AMPD1: variants seen among roughly 807,000 people sequenced by gnomAD.
AMPD1 encodes adenosine monophosphate deaminase 1.
AMPD1 carries 74 observed loss-of-function variants against 82.9 expected under a neutral mutation model. That is an observed-to-expected ratio of 0.89 (90% CI 0.74 to 1.08). The LOEUF is 1.08. AMPD1 is among the 50% of genes least tolerant of loss of function. The pLI is 0.00. For synonymous variants in AMPD1, 333 were observed against 320.5 expected (o/e 1.04, Z -0.42); for missense variants, 881 against 924.5 (o/e 0.95, Z 0.61).
At position 114,680,241 on chromosome 1, in the gene AMPD1, G is replaced by A; in HGVS notation, c.767+18C>T. 6.3e-7 allele frequency: 1 copy of A among 1,592,836 alleles called. No individual in the cohort carries two copies. Among genetic ancestry groups the A allele is most frequent in the East Asian group, 2.2e-5 (1 of 44,778 alleles). ...TGTAGTACTAGTTGTTGTTGTTTAG[G>A]TCTCACTAAACACTTACACAGGTCC... is the stretch of plus-strand genomic sequence containing the variant. On this transcript the variant is annotated intron_variant, in intron 6 of 15. Coordinates refer to ENST00000520113, the MANE Select transcript of AMPD1 (RefSeq NM_000036.3).
intron 15 of AMPD1, 110 bp downstream of exon 15, chr1:114,673,529 G>T: frequency 1.0e-6 from 1 of 964,764 alleles, no homozygotes; most frequent in Non-Finnish European, 1.6e-6. Context: ...CATAGTAACT[G>T]CATATGATTC....
At position 114,673,675 on chromosome 1, in the gene AMPD1, T is replaced by G; in HGVS notation, c.2049A>C (p.Ala683=). Reference sequence around the variant, plus strand: ...TTCCACACTGCAAGACACTGTTCCTTGCCACTTCGCACATATCACAGGTGC... The same window carrying G: ...TTCCACACTGCAAGACACTGTTCCTGGCCACTTCGCACATATCACAGGTGC... ...KLSTCDMCEV[A]RNSVLQCGIS... The change falls in exon 15 of 16, where the codon GCA becomes GCC. Residue 683 remains alanine (A), a synonymous_variant. Coordinates refer to ENST00000520113, the MANE Select transcript of AMPD1 (RefSeq NM_000036.3). 1.2e-6 allele frequency: 2 copies of G among 1,614,096 alleles called. No homozygotes were observed. Among genetic ancestry groups the G allele is most frequent in the African/African-American group, 1.3e-5 (1 of 75,038 alleles).
At chr1:114,676,146 C>A (rs1657975745) in intron 10 of AMPD1, 143 bp from the exon 11 acceptor site, 1 of 1,044,262 alleles carries the variant, frequency 9.6e-7, no homozygotes, top group African/African-American at 1.6e-5. Context: ...CTCATACATT[C>A]TTTTTGGTCC....
chr1:114,678,515 T>C lies in AMPD1; in HGVS notation c.910A>G (p.Ile304Val), dbSNP rs373484604. 55 of 1,613,736 alleles carry C rather than the reference T, an allele frequency of 3.4e-5. No individual in the cohort carries two copies. The South Asian group carries it at 5.8e-4, about 17-fold the overall frequency. The change falls in exon 8 of 16, where the codon ATC (isoleucine) becomes GTC (valine). Residue 304 changes from isoleucine (I) to valine (V), a missense_variant. By Grantham distance (29) the Ile-to-Val change is conservative. This residue lies in a region of AMPD1 where 783 missense variants were observed against 786.4 expected (regional missense o/e 1.00). Coordinates refer to ENST00000520113, the MANE Select transcript of AMPD1 (RefSeq NM_000036.3). Reference sequence around the variant, plus strand: ...TGGTTCATGCAAGCGGCTGCATGGATATGGGTGTCCACCTGTATGTATATT... The same window carrying C: ...TGGTTCATGCAAGCGGCTGCATGGACATGGGTGTCCACCTGTATGTATATT... ...FYNCRKVDTHIHAAACMNQKH... is the reference protein window; with the variant it reads ...FYNCRKVDTHVHAAACMNQKH...
At position 114,673,745 on chromosome 1, in the gene AMPD1, G is replaced by A. The variant is rs267597931; in HGVS notation, c.1979C>T (p.Pro660Leu). The change falls in exon 15 of 16, where the codon CCC (proline) becomes CTC (leucine). Residue 660 changes from proline to leucine, a missense_variant. By Grantham distance (98) the Pro-to-Leu change is moderately conservative. Coordinates refer to ENST00000520113, the MANE Select transcript of AMPD1 (RefSeq NM_000036.3). ...DPMQFHFTKE[P>L]LMEEYAIAAQ... Reference sequence around the variant, plus strand: ...AGCAATAGCATATTCTTCCATTAGGGGCTCCTGCAGTTATATTAAATGAGG... The same window carrying A: ...AGCAATAGCATATTCTTCCATTAGGAGCTCCTGCAGTTATATTAAATGAGG... 18 of 1,611,644 alleles carry A rather than the reference G, an allele frequency of 1.1e-5. 1 individual carries two copies. In the Admixed American group the frequency reaches 2.8e-4, roughly 25 times the overall value.
chr1:114,693,455 A>G lies in AMPD1; in HGVS notation c.23-8T>C. The stretch of plus-strand genomic sequence containing the variant: ...ACTCACGTTTCTCTTCAGCTGTATG[A>G]AGTAAAATAAAACAAGATAAAATAT... On this transcript the variant is annotated splice_region_variant and splice_polypyrimidine_tract_variant and intron_variant, in intron 1 of 15. Transcript: ENST00000520113. 6.2e-7 allele frequency: 1 copy of G among 1,608,192 alleles called. No individual in the cohort carries two copies. Among genetic ancestry groups the G allele is most frequent in the African/African-American group, 1.3e-5 (1 of 74,978 alleles).
At chr1:114,677,826 C>T in intron 9 of AMPD1, 84 bp downstream of exon 9, 4 of 1,243,326 alleles carry the variant, frequency 3.2e-6, no homozygotes, top group Non-Finnish European at 4.4e-6. Flanking sequence ...TCCTTCCTTC[C>T]TTCCTTCCTT....
intron 1 of AMPD1, among the ~76,000 whole-genome samples, chr1:114,694,075 C>T (rs552632435): frequency 1.3e-5 from 2 of 152,060 alleles, no homozygotes; most frequent in East Asian, 1.9e-4. Context: ...AAAAATTAGC[C>T]GGGCGTGGTG....
intron 2 of AMPD1, 169 bp from the exon 3 acceptor site, chr1:114,688,910 T>A (rs752750199): frequency 1.3e-6 from 1 of 789,840 alleles, no homozygotes. Context: ...TTAGTGGGTT[T>A]CTGTGTGGGT....
intron 10 of AMPD1, 36 bp downstream of exon 10, chr1:114,677,315 G>A (rs1379488030): frequency 6.2e-7 from 1 of 1,610,198 alleles, no homozygotes; most frequent in Non-Finnish European, 8.5e-7. Flanking sequence ...ATGAGACAAG[G>A]GCAGGCTCTA....
intron 2 of AMPD1, among the ~76,000 whole-genome samples, chr1:114,693,159 A>T (rs1488978923): frequency 1.3e-5 from 2 of 148,444 alleles, no homozygotes; most frequent in Non-Finnish European, 3.0e-5. Flanking sequence ...TAAATAAATA[A>T]ATAAATAAGT....
At position 114,688,695 on chromosome 1, in the gene AMPD1, A is replaced by G. The variant is rs144154328; in HGVS notation, c.81T>C (p.Ser27=). Residue 27 remains serine, a synonymous_variant, in exon 3 of 16, where the codon TCT becomes TCC. Coordinates refer to ENST00000520113, the MANE Select transcript of AMPD1 (RefSeq NM_000036.3). The stretch of plus-strand genomic sequence containing the variant: ...GACGACCTCCTTCATCTTTGACTTC[A>G]GAGGCAAACACTTTTTCAGCAAAGT... ...MRNFAEKVFA[S]EVKDEGGRQE... The G allele has an allele frequency of 3.7e-6, 6 of 1,614,102 alleles. No homozygotes were observed. The African/African-American group carries it at 5.3e-5, about 14-fold the overall frequency.
At position 114,675,533 on chromosome 1, in the gene AMPD1, C is replaced by T. The variant is rs1657953936; in HGVS notation, c.1676G>A (p.Arg559Lys). Residue 559 changes from arginine (R) to lysine (K), a missense_variant, in exon 12 of 16, where the codon AGA becomes AAA. By Grantham distance (26) the Arg-to-Lys change is conservative (BLOSUM62 2). Coordinates refer to ENST00000520113, the MANE Select transcript of AMPD1 (RefSeq NM_000036.3). ...YANIMVLNSL[R>K]KERGMNTFLF... ...GCTCCAGCTGTCTCCTACTTACTTT[C>T]TCAGGCTGTTGAGCACCATGATGTT... The T allele has an allele frequency of 6.2e-7, 1 of 1,614,024 alleles. No homozygotes were observed. Among genetic ancestry groups the T allele is most frequent in the Non-Finnish European group, 8.5e-7 (1 of 1,180,004 alleles).
chr1:114,673,878 TA>T (rs1327759992), intron 14 of AMPD1, 30 bp downstream of exon 14: 1 of 1,611,132 alleles, frequency 6.2e-7, no homozygotes, highest in East Asian at 2.2e-5. Context: ...TCCAGCAAAA[TA>T]TGCTTGTATT....
At position 114,675,544 on chromosome 1, in the gene AMPD1, G is replaced by A. The variant is rs756153878; in HGVS notation, c.1665C>T (p.Leu555=). ...CTCCTACTTACTTTCTCAGGCTGTT[G>A]AGCACCATGATGTTTGCATACATGT... ...AYYMYANIMV[L]NSLRKERGMN... Residue 555 remains leucine (L), a synonymous_variant, in exon 12 of 16, where the codon CTC becomes CTT. Coordinates refer to ENST00000520113, the MANE Select transcript of AMPD1 (RefSeq NM_000036.3). 13 of 1,613,990 alleles carry A rather than the reference G, an allele frequency of 8.1e-6. No individual in the cohort carries two copies. Among genetic ancestry groups the A allele is most frequent in the Non-Finnish European group, 1.1e-5 (13 of 1,180,018 alleles).
At chr1:114,682,122 A>G (rs1424347495) in intron 5 of AMPD1, among the ~76,000 whole-genome samples, 2 of 152,340 alleles carry the variant, frequency 1.3e-5, no homozygotes, top group South Asian at 2.1e-4. Flanking sequence ...TTCAACAAGT[A>G]TGGTCATTTA....
chr1:114,679,728 A>G lies in AMPD1; in HGVS notation c.768-20T>C, dbSNP rs377158588. The G allele has an allele frequency of 3.7e-6, 6 of 1,613,886 alleles. No homozygotes were observed. Among genetic ancestry groups the G allele is most frequent in the Admixed American group, 1.7e-5 (1 of 60,006 alleles). On this transcript the variant is annotated intron_variant, in intron 6 of 15. Transcript: ENST00000520113. ...GTCTTACTGTGAAAAATAAAATCACATAATTCCAAAAAGTTTCAGGCATTC... is the reference window on the plus strand; with the variant it reads ...GTCTTACTGTGAAAAATAAAATCACGTAATTCCAAAAAGTTTCAGGCATTC...
intron 7 of AMPD1, 72 bp downstream of exon 7, chr1:114,679,507 T>C (rs1658090181): frequency 1.3e-6 from 2 of 1,578,894 alleles, no homozygotes; most frequent in Non-Finnish European, 8.7e-7. Context: ...ACACACTCTT[T>C]TCTTGTGCTT....
intron 4 of AMPD1, among the ~76,000 whole-genome samples, chr1:114,686,349 T>G (rs545651264): frequency 2.6e-5 from 4 of 152,106 alleles, no homozygotes; most frequent in Non-Finnish European, 5.9e-5. Context: ...ATCCTAGGTC[T>G]GCTTGGGTCC....
Sources: gnomAD v4.1 joint callset for allele counts (sites outside exome capture counted in the v4.1 genomes callset) on GRCh38, gnomAD v4.1.1 for gene constraint, gnomAD v4.1.1 regional missense constraint, MANE v1.5 for transcripts, NCBI Gene and HGNC (gene_info 2026-07-23, HGNC 2026-07-21) for gene names.